Variants in KCND3 observed in about 807,000 individuals in gnomAD.
The protein encoded by KCND3 is potassium voltage-gated channel subfamily D member 3.
KCND3 carries 9 observed loss-of-function variants against 51.1 expected under a neutral mutation model. The ratio of observed to expected loss-of-function variants is 0.18; its 90% CI spans 0.11 to 0.31. The LOEUF is 0.31. KCND3 is among the 10% of genes least tolerant of loss of function. The pLI is 1.00. For synonymous variants in KCND3, 349 were observed against 368.0 expected (o/e 0.95, Z 0.59); for missense variants, 526 against 903.8 (o/e 0.58, Z 5.36).
At chr1:111,810,598 T>C (rs1316450931) in intron 2 of KCND3, among the ~76,000 whole-genome samples, 5 of 152,050 alleles carry the variant, frequency 3.3e-5, no homozygotes, top group Non-Finnish European at 5.9e-5. Flanking sequence ...CCCAGGGAGG[T>C]GGAAAATGTC....
At chr1:111,953,999 G>A (rs968915529) in intron 2 of KCND3, among the ~76,000 whole-genome samples, 3 of 152,138 alleles carry the variant, frequency 2.0e-5, no homozygotes, top group Admixed American at 6.5e-5. Context: ...GGCACCATGG[G>A]CTAACAAGCC....
At position 111,780,177 on chromosome 1, in the gene KCND3, G is replaced by T; in HGVS notation, c.1461+48C>A. 2 of 1,505,090 alleles carry T rather than the reference G, an allele frequency of 1.3e-6. No homozygotes were observed. The highest frequency in any genetic ancestry group is 1.8e-6 in the Non-Finnish European group (2 of 1,104,612). The allele number at this position is 1,505,090 out of a possible 1,614,324, so 93.2% of individuals were successfully genotyped here. A position where few individuals can be genotyped will look rare whatever the true frequency, so the allele number is the denominator to read the frequency against. On this transcript the variant is annotated intron_variant, in intron 5 of 7. Transcript: ENST00000302127. This position sits in a 1 kb window ranked among gnomAD's most constrained non-coding sequence, Gnocchi z 4.2. ...AAGATGTGAGTACAGCCTTAGAAAAGGGTCAGGGTCAGCGATGAAAAGGAG... is the reference window on the plus strand; with the variant it reads ...AAGATGTGAGTACAGCCTTAGAAAATGGTCAGGGTCAGCGATGAAAAGGAG...
intron 2 of KCND3, among the ~76,000 whole-genome samples, chr1:111,954,137 G>T (rs1232644647): frequency 6.6e-6 from 1 of 152,166 alleles, no homozygotes; most frequent in Non-Finnish European, 1.5e-5. Context: ...CTTAGTTCTA[G>T]TAACTTCTCC....
chr1:111,966,567 A>G (rs1273063761), intron 2 of KCND3, among the ~76,000 whole-genome samples: 1 of 152,116 alleles, frequency 6.6e-6, no homozygotes, highest in Non-Finnish European at 1.5e-5. Context: ...TCACTGGGGA[A>G]GCCTCCACCC....
intron 2 of KCND3, among the ~76,000 whole-genome samples, chr1:111,878,094 G>A (rs1669133748): frequency 6.6e-6 from 1 of 152,216 alleles, no homozygotes; most frequent in Non-Finnish European, 1.5e-5. Context: ...GGGGGATGAT[G>A]TGTGCCTGGG....
chr1:111,846,162 T>C (rs1424186582), intron 2 of KCND3, among the ~76,000 whole-genome samples: 1 of 152,228 alleles, frequency 6.6e-6, no homozygotes, highest in Non-Finnish European at 1.5e-5. Context: ...GGACTATTTA[T>C]AATTAAGCTT....
chr1:111,895,254 G>A (rs772715611), intron 2 of KCND3, among the ~76,000 whole-genome samples: 9 of 151,802 alleles, frequency 5.9e-5, no homozygotes, highest in Non-Finnish European at 1.0e-4. Context: ...CTCAGCTGTG[G>A]GACCAGGCTG....
rs565317823 is a variant in KCND3, at chr1:111,879,577, G to T, written c.1107-92471C>A. 2.0e-5 allele frequency among the ~76,000 whole-genome samples: 3 copies of T among 152,346 alleles called. No individual in the cohort carries two copies. In the South Asian group the frequency reaches 6.2e-4, roughly 32 times the overall value. ...TGAAAAGAGCAGAGAGCAGCTTACTGGAGTGTCTAGATGCAAGAGAGTCTG... is the reference window on the plus strand; with the variant it reads ...TGAAAAGAGCAGAGAGCAGCTTACTTGAGTGTCTAGATGCAAGAGAGTCTG... On this transcript the variant is annotated intron_variant, in intron 2 of 7. Transcript: ENST00000302127.
chr1:111,957,718 A>G (rs1673409911), intron 2 of KCND3, among the ~76,000 whole-genome samples: 1 of 152,176 alleles, frequency 6.6e-6, no homozygotes, highest in African/African-American at 2.4e-5. Flanking sequence ...TTTATGGCAA[A>G]CCATGGCTGT....
At chr1:111,828,312 C>G (rs1009530) in intron 2 of KCND3, among the ~76,000 whole-genome samples, 1 of 151,968 alleles carries the variant, frequency 6.6e-6, no homozygotes, top group Non-Finnish European at 1.5e-5. Flanking sequence ...CCTTTACTTC[C>G]GTCTACCTGT....
chr1:111,842,110 T>C (rs114549173), intron 2 of KCND3, among the ~76,000 whole-genome samples: 1,957 of 152,096 alleles, frequency 0.013, 48 homozygotes, highest in African/African-American at 0.045. Context: ...TCACTGTGGG[T>C]CCCCAGTGTC....
In KCND3 at chr1:111,776,214, T is replaced by C. The variant is rs1571620067; in HGVS notation, c.1831A>G (p.Thr611Ala). The change falls in exon 8 of 8, where the codon ACC becomes GCC. Residue 611 changes from threonine (T) to alanine (A), a missense_variant. Physicochemically the swap from Thr to Ala is moderately conservative, Grantham distance 58 (BLOSUM62 0). Coordinates refer to ENST00000302127, the MANE Select transcript of KCND3 (RefSeq NM_001378969.1). ...GTGGGGATGCTGATGATGGCTGTGG[T>C]GATCTGGGATGTTTTGCAGTTTGGT... Reference protein sequence around the residue: ...LRPNCKTSQITTAIISIPTPP... With the variant: ...LRPNCKTSQIATAIISIPTPP... 2 of 1,614,070 alleles carry C rather than the reference T, an allele frequency of 1.2e-6. No individual in the cohort carries two copies. The highest frequency in any genetic ancestry group is 1.6e-4 in the Middle Eastern group (1 of 6,084).
chr1:111,855,135 G>A (rs921231497), intron 2 of KCND3, among the ~76,000 whole-genome samples: 2 of 152,202 alleles, frequency 1.3e-5, no homozygotes, highest in African/African-American at 4.8e-5. Context: ...GCCCATGGGG[G>A]AGGTTAAGCT....
At chr1:111,983,608 G>A (rs939646473) in intron 1 of KCND3, among the ~76,000 whole-genome samples, 29 of 151,896 alleles carry the variant, frequency 1.9e-4, no homozygotes, top group African/African-American at 5.8e-4. Flanking sequence ...TCCATGCATC[G>A]TCTCTCTCCC....
intron 2 of KCND3, among the ~76,000 whole-genome samples, chr1:111,841,365 G>C (rs510749): frequency 0.3 from 44,897 of 152,086 alleles, 6,957 homozygotes; most frequent in East Asian, 0.52. Flanking sequence ...ATCCAACAGA[G>C]AGGAGGACCC....
intron 2 of KCND3, among the ~76,000 whole-genome samples, chr1:111,936,228 G>A (rs1363751534): frequency 6.6e-6 from 1 of 152,182 alleles, no homozygotes; most frequent in Non-Finnish European, 1.5e-5. Flanking sequence ...GGTGAGGCTG[G>A]TCCCAGCTCA....
At chr1:111,813,613 C>T (rs1665953983) in intron 2 of KCND3, among the ~76,000 whole-genome samples, 1 of 152,264 alleles carries the variant, frequency 6.6e-6, no homozygotes, top group Non-Finnish European at 1.5e-5. Context: ...GCCAAGGGGT[C>T]CGTGCCCCAC....
chr1:111,850,420 C>CCCCT (rs1277179876), intron 2 of KCND3, among the ~76,000 whole-genome samples: 1 of 152,164 alleles, frequency 6.6e-6, no homozygotes, highest in African/African-American at 2.4e-5. Context: ...CATCTGGGGA[C>CCCCT]CCCTCACAGC....
intron 2 of KCND3, among the ~76,000 whole-genome samples, chr1:111,974,297 A>G (rs3008541): frequency 0.5 from 75,573 of 151,852 alleles, 19,138 homozygotes; most frequent in Non-Finnish European, 0.56. Flanking sequence ...GCTTGTCACT[A>G]GAAGTTGGTT....
Sources: allele counts gnomAD v4.1 joint callset (sites outside exome capture counted in the v4.1 genomes callset), GRCh38; gene constraint gnomAD v4.1.1; non-coding constraint Gnocchi (gnomAD v3.1); transcripts MANE v1.5; gene names NCBI Gene and HGNC (gene_info 2026-07-23, HGNC 2026-07-21).